The following TMEM63C variants were observed in gnomAD, a reference collection of about 807,000 sequenced individuals.
The protein encoded by TMEM63C is osmosensitive cation channel TMEM63C.
A neutral mutation model predicts 99.2 loss-of-function variants in TMEM63C; 32 were observed. The ratio of observed to expected loss-of-function variants is 0.32; its 90% CI spans 0.24 to 0.43. The LOEUF is 0.43. Among genes scored for constraint, TMEM63C ranks in the 20% least tolerant of loss-of-function variants. The probability of loss-of-function intolerance (pLI) is 1.00; values close to 1 mark genes in which losing one functional copy is unlikely to be tolerated. For synonymous variants in TMEM63C, 376 were observed against 397.9 expected, an observed-to-expected ratio of 0.94 and a Z score of 0.66; for missense variants, 826 against 1,053.0, an observed-to-expected ratio of 0.78 and a Z score of 2.98.
At chr14:77,244,278 G>C (rs1242684227) in intron 15 of TMEM63C, 71 bp from the exon 16 acceptor site, 6 of 1,186,258 alleles carry the variant, frequency 5.1e-6, no homozygotes, top group Non-Finnish European at 7.5e-6. Flanking sequence ...GTGAGTGGGA[G>C]GAGAAGAAGC....
At chr14:77,196,728 C>T (rs1039293186) in intron 1 of TMEM63C, among the ~76,000 whole-genome samples, 7 of 152,224 alleles carry the variant, frequency 4.6e-5, no homozygotes, top group South Asian at 2.1e-4. Context: ...AGAATCCAAC[C>T]GCAATCTCTT....
At position 77,253,385 on chromosome 14, in the gene TMEM63C, T is replaced by C. The variant is rs1343619362; in HGVS notation, c.2220+9T>C. The C allele has an allele frequency of 3.7e-6, 6 of 1,606,686 alleles. No homozygotes were observed. Among genetic ancestry groups the C allele is most frequent in the Non-Finnish European group, 4.2e-6 (5 of 1,176,832 alleles). On this transcript the variant is annotated intron_variant, in intron 23 of 23. Coordinates refer to ENST00000298351, the MANE Select transcript of TMEM63C (RefSeq NM_020431.4). ...CCACGCCCACCTCCCTCGTGAGTCCTGAGTCCCAGGGACAGGTTGGGAGGG... is the reference window on the plus strand; with the variant it reads ...CCACGCCCACCTCCCTCGTGAGTCCCGAGTCCCAGGGACAGGTTGGGAGGG...
intron 8 of TMEM63C, among the ~76,000 whole-genome samples, chr14:77,236,038 A>G (rs1467072155): frequency 6.9e-4 from 1 of 1,444 alleles, no homozygotes. Flanking sequence ...GGAGACTGTG[A>G]TGGGTGGGGG....
At chr14:77,219,632 C>CA in intron 4 of TMEM63C, 55 bp downstream of exon 4, 1 of 1,581,024 alleles carries the variant, frequency 6.3e-7, no homozygotes, top group Non-Finnish European at 8.7e-7. Context: ...AACCTGTTGC[C>CA]ATGGCCAGGA....
intron 2 of TMEM63C, among the ~76,000 whole-genome samples, chr14:77,214,092 C>T (rs544561889): frequency 5.6e-4 from 86 of 152,232 alleles, no homozygotes; most frequent in Non-Finnish European, 9.9e-4. Context: ...CCCCATCTCT[C>T]AGCCCTCCCC....
intron 1 of TMEM63C, among the ~76,000 whole-genome samples, chr14:77,207,129 G>C (rs1888415651): frequency 6.6e-6 from 1 of 152,188 alleles, no homozygotes; most frequent in Admixed American, 6.5e-5. Flanking sequence ...AGGGGCATAG[G>C]CAGAAAGCCA....
chr14:77,200,168 G>C (rs1888276942), intron 1 of TMEM63C, among the ~76,000 whole-genome samples: 1 of 152,144 alleles, frequency 6.6e-6, no homozygotes, highest in Admixed American at 6.5e-5. Context: ...ATTCAGCCTG[G>C]ATCAGTGTGG....
rs756284868 is a variant in TMEM63C at position 77,251,830 on chromosome 14, C to T, written c.2080C>T (p.Leu694Phe). Residue 694 changes from leucine to phenylalanine, a missense_variant, in exon 22 of 24, where the codon CTC (leucine) becomes TTC (phenylalanine). Transcript: ENST00000298351. The part of the protein sequence containing the change: ...AITIFSLSTL[L>F]IAMVIAFVGI... ...CACCATCTTTTCCCTGTCCACCCTC[C>T]TCATTGCCATGGTGATTGCCTTTGT... The T allele has an allele frequency of 1.2e-6, 2 of 1,614,024 alleles. No homozygotes were observed. Among genetic ancestry groups the T allele is most frequent in the South Asian group, 2.2e-5 (2 of 91,088 alleles).
At chr14:77,202,912 GGA>G in intron 1 of TMEM63C, among the ~76,000 whole-genome samples, 1 of 151,596 alleles carries the variant, frequency 6.6e-6, no homozygotes, top group Admixed American at 6.6e-5. Flanking sequence ...GCTCCTGAGA[GGA>G]GAGAGAGTCC....
At position 77,251,884 on chromosome 14, in the gene TMEM63C, G is replaced by A. The variant is rs1009517621; in HGVS notation, c.2134G>A (p.Val712Ile). 6.2e-7 allele frequency: 1 copy of A among 1,613,728 alleles called. No homozygotes were observed. Among genetic ancestry groups the A allele is most frequent in the Non-Finnish European group, 8.5e-7 (1 of 1,179,612 alleles). Residue 712 changes from valine (V) to isoleucine (I), a missense_variant, in exon 22 of 24, where the codon GTT (valine) becomes ATT (isoleucine). By Grantham distance (29) the Val-to-Ile change is conservative. Coordinates refer to ENST00000298351, the MANE Select transcript of TMEM63C (RefSeq NM_020431.4). ...CATTTTTCTGGGGAAGCTTCGGATG[G>A]TTGCCGACTACGAGGTGAGTTGCCA... The part of the protein sequence containing the change: ...VGIFLGKLRM[V>I]ADYEPEEEEI...
intron 12 of TMEM63C, 59 bp from the exon 13 acceptor site, chr14:77,240,416 G>T: frequency 6.5e-7 from 1 of 1,546,124 alleles, no homozygotes; most frequent in South Asian, 1.2e-5. Context: ...GGAACCTCGT[G>T]ACCAGGGAGG....
intron 13 of TMEM63C, among the ~76,000 whole-genome samples, 183 bp downstream of exon 13, chr14:77,240,791 G>A (rs994080905): frequency 2.6e-5 from 4 of 152,136 alleles, no homozygotes; most frequent in East Asian, 1.9e-4. Context: ...AGCTGCTGGG[G>A]CCCAGCTGCT....
rs781352402 is a variant in TMEM63C, at chr14:77,240,532, G to A, written c.988G>A (p.Ala330Thr). Residue 330 changes from alanine to threonine, a missense_variant, in exon 13 of 24, where the codon GCC becomes ACC. Coordinates refer to ENST00000298351, the MANE Select transcript of TMEM63C (RefSeq NM_020431.4). Reference protein sequence around the residue: ...LEEQLTDEFNAELNRVPLKRL... With the variant: ...LEEQLTDEFNTELNRVPLKRL... ...GGAGCAGCTAACGGACGAGTTCAAC[G>A]CCGAGCTCAACCGCGTGCCGCTCAA... 8 of 1,611,754 alleles carry A rather than the reference G, an allele frequency of 5.0e-6. No homozygotes were observed. In the Admixed American group the frequency reaches 5.0e-5, roughly 10 times the overall value.
rs756710566 is a variant in TMEM63C at position 77,256,659 on chromosome 14, C to T, written c.2354C>T (p.Ala785Val). ...GEEESGLRGF[A>V]RELDSAQFQE... ...GAAGAGAGTGGTCTGAGGGGCTTTG[C>T]GAGGGAGCTAGACTCGGCCCAGTTC... The change falls in exon 24 of 24, where the codon GCG becomes GTG. Residue 785 changes from alanine (A) to valine (V), a missense_variant. Coordinates refer to ENST00000298351, the MANE Select transcript of TMEM63C (RefSeq NM_020431.4). 31 of 1,613,802 alleles carry T rather than the reference C, an allele frequency of 1.9e-5. No individual in the cohort carries two copies. The highest frequency in any genetic ancestry group is 2.2e-5 in the East Asian group (1 of 44,882).
intron 17 of TMEM63C, 138 bp from the exon 18 acceptor site, chr14:77,246,471 A>C (rs972434437): frequency 8.0e-6 from 6 of 748,856 alleles, no homozygotes; most frequent in Admixed American, 4.5e-5. Flanking sequence ...ACTAAGAAGG[A>C]AGAGGGGAAG....
At chr14:77,183,016 A>G (rs1259521729) in intron 1 of TMEM63C, among the ~76,000 whole-genome samples, 3 of 151,942 alleles carry the variant, frequency 2.0e-5, no homozygotes, top group Admixed American at 6.6e-5. Flanking sequence ...TCCCTGGGAG[A>G]AATGGGCTAC....
chr14:77,194,334 ATATGTGTGTGTGTGTG>A lies in TMEM63C; in HGVS notation c.-77+12442_-77+12457del, dbSNP rs1413824965. 7.1e-3 allele frequency among the ~76,000 whole-genome samples: 513 copies of A among 72,034 alleles called. 9 individuals are homozygous for A. The highest frequency in any genetic ancestry group is 0.016 in the African/African-American group (491 of 30,180). 47.3% of individuals were successfully genotyped at this position (72,034 alleles called of 152,430 possible). The stretch of plus-strand genomic sequence containing the variant: ...TAAAGATGCAGGCATAGATATATAT[ATATGTGTGTGTGTGTG>A]TGTGTGTGTGTGTGTGTGTGTGTGT... On this transcript the variant is annotated intron_variant, in intron 1 of 23. Coordinates refer to ENST00000298351, the MANE Select transcript of TMEM63C (RefSeq NM_020431.4).
chr14:77,247,066 C>T (rs568464826), intron 18 of TMEM63C, among the ~76,000 whole-genome samples: 20 of 152,240 alleles, frequency 1.3e-4, no homozygotes, highest in African/African-American at 3.9e-4. Flanking sequence ...GCCAGTTTTA[C>T]GTGTACTCTG....
At chr14:77,187,930 G>T (rs80292972) in intron 1 of TMEM63C, among the ~76,000 whole-genome samples, 14,020 of 152,222 alleles carry the variant, frequency 0.092, 780 homozygotes, top group South Asian at 0.17. Context: ...CCACTCAGGG[G>T]TTATTTGTGT....
Sources: gnomAD v4.1 joint callset for allele counts (sites outside exome capture counted in the v4.1 genomes callset) on GRCh38, gnomAD v4.1.1 for gene constraint, MANE v1.5 for transcripts, NCBI Gene and HGNC (gene_info 2026-07-23, HGNC 2026-07-21) for gene names.